The following NRG1 variants were observed in gnomAD, a reference collection of about 807,000 sequenced individuals.
NRG1 encodes neuregulin 1.
A neutral mutation model predicts 63.8 loss-of-function variants in NRG1; 18 were observed. The observed-to-expected ratio is 0.28, with a 90% CI of 0.19 to 0.42. The LOEUF is 0.42. Ranked by LOEUF, NRG1 falls within the 10% of genes least tolerant of loss-of-function variation. The pLI is 1.00. For synonymous variants in NRG1, 302 were observed against 301.3 expected (o/e 1.00, Z -0.02); for missense variants, 762 against 814.7 (o/e 0.94, Z 0.79).
rs572321880 is a variant in NRG1, at chr8:32,112,206, G to A, written c.37+472775G>A. On this transcript the variant is annotated intron_variant, in intron 1 of 10. Coordinates refer to the NRG1 transcript ENST00000519301. Reference sequence around the variant, plus strand: ...CAGAATTTACAATAGTTGCATTAGGGCTTCCTTTGAATTAATTAATATTTC... The same window carrying A: ...CAGAATTTACAATAGTTGCATTAGGACTTCCTTTGAATTAATTAATATTTC... 2.6e-5 allele frequency among the ~76,000 whole-genome samples: 4 copies of A among 152,270 alleles called. No individual in the cohort carries two copies. The South Asian group carries it at 8.3e-4, about 32-fold the overall frequency.
chr8:32,456,465 G>C (rs530061019), intron 1 of NRG1, among the ~76,000 whole-genome samples: 192 of 152,324 alleles, frequency 1.3e-3, no homozygotes, highest in African/African-American at 4.4e-3. Flanking sequence ...CCACCCATGA[G>C]AGAGCAAGAC....
chr8:32,704,687 T>G (rs906631980), intron 5 of NRG1, among the ~76,000 whole-genome samples: 3 of 152,254 alleles, frequency 2.0e-5, no homozygotes, highest in Non-Finnish European at 2.9e-5. Context: ...TTTCATACTT[T>G]ATTGCCACTA....
Position 32,713,855 on chromosome 8 carries a change from C to T in NRG1, c.503-14094C>T, listed in dbSNP as rs184105940. Among the ~76,000 whole-genome samples the T allele has an allele frequency of 3.5e-3, 529 of 149,970 alleles. 4 individuals carry two copies. The highest frequency in any genetic ancestry group is 0.012 in the African/African-American group (494 of 40,836). On this transcript the variant is annotated intron_variant, in intron 5 of 11. Transcript: ENST00000356819. ...TTTCTTTTTTTTTGAGATGGAATCT[C>T]GCTCTGTCACCCTGGCTGGAGTGCA... is the stretch of plus-strand genomic sequence containing the variant.
At chr8:32,606,331 G>T (rs929944774) in intron 3 of NRG1, among the ~76,000 whole-genome samples, 4 of 151,468 alleles carry the variant, frequency 2.6e-5, no homozygotes, top group African/African-American at 4.8e-5. Context: ...TTTTTTTTAG[G>T]CCTATTAATT....
At chr8:31,812,404 A>G (rs1822977436) in intron 1 of NRG1, among the ~76,000 whole-genome samples, 1 of 152,174 alleles carries the variant, frequency 6.6e-6, no homozygotes, top group Non-Finnish European at 1.5e-5. Flanking sequence ...TCCTGGGACA[A>G]CATTTAGAGA....
At chr8:32,717,822 C>G (rs535087642) in intron 5 of NRG1, among the ~76,000 whole-genome samples, 1 of 152,252 alleles carries the variant, frequency 6.6e-6, no homozygotes, top group South Asian at 2.1e-4. Flanking sequence ...TTCAAAGAGG[C>G]CTGGCTCAAA....
intron 1 of NRG1, among the ~76,000 whole-genome samples, chr8:32,057,093 A>G (rs961586121): frequency 1.2e-4 from 19 of 152,184 alleles, no homozygotes; most frequent in Admixed American, 3.3e-4. Flanking sequence ...CTTCTTCACC[A>G]TAAAGATGGC....
intron 1 of NRG1, among the ~76,000 whole-genome samples, chr8:31,959,965 G>A (rs1805174722): frequency 6.6e-6 from 1 of 152,008 alleles, no homozygotes; most frequent in Non-Finnish European, 1.5e-5. Flanking sequence ...CAGATGGGCA[G>A]CTACCATTTT....
chr8:32,769,325 C>A (rs1453197489), downstream of NRG1, among the ~76,000 whole-genome samples: 1 of 152,134 alleles, frequency 6.6e-6, no homozygotes, highest in South Asian at 2.1e-4. Flanking sequence ...AGTGAAGACT[C>A]GCAGCCAGAT....
At chr8:32,182,136 G>GCACA in intron 1 of NRG1, among the ~76,000 whole-genome samples, 1 of 152,176 alleles carries the variant, frequency 6.6e-6, no homozygotes, top group East Asian at 1.9e-4. Flanking sequence ...GAGGAGCTGG[G>GCACA]CACAGCCTCT....
intron 1 of NRG1, among the ~76,000 whole-genome samples, chr8:31,937,013 C>G (rs1467432555): frequency 3.9e-5 from 6 of 152,208 alleles, no homozygotes; most frequent in Admixed American, 3.3e-4. Flanking sequence ...ACTTCTTACT[C>G]AGAGGTTGTG....
intron 1 of NRG1, among the ~76,000 whole-genome samples, chr8:32,076,651 T>A (rs1826605629): frequency 6.6e-6 from 1 of 151,932 alleles, no homozygotes; most frequent in Non-Finnish European, 1.5e-5. Flanking sequence ...TAAGATAGTC[T>A]TTACAACAAA....
intron 1 of NRG1, among the ~76,000 whole-genome samples, chr8:32,491,846 G>A (rs1826613551): frequency 6.6e-6 from 1 of 152,168 alleles, no homozygotes. Flanking sequence ...ATACACAGAG[G>A]CTGCCTTTGT....
At chr8:32,662,952 C>T (rs184581610) in intron 5 of NRG1, among the ~76,000 whole-genome samples, 5 of 152,210 alleles carry the variant, frequency 3.3e-5, no homozygotes, top group Admixed American at 1.3e-4. Context: ...TAAATCAATA[C>T]GGCTTTATGT....
At position 32,177,959 on chromosome 8, in the gene NRG1, A is replaced by G. The variant is rs559644207; in HGVS notation, c.38-417869A>G. 2.3e-3 allele frequency among the ~76,000 whole-genome samples: 343 copies of G among 152,214 alleles called. 3 individuals carry two copies. Among genetic ancestry groups the G allele is most frequent in the Non-Finnish European group, 3.9e-3 (264 of 68,010 alleles). ...ATAGAATGCTCTACCTGTGTTACTC[A>G]TTGAATCAGGAGGATTGTTGAAGGA... On this transcript the variant is annotated intron_variant, in intron 1 of 10. Coordinates refer to the NRG1 transcript ENST00000519301.
chr8:31,664,082 A>G (rs558002543), intron 1 of NRG1, among the ~76,000 whole-genome samples: 4 of 152,098 alleles, frequency 2.6e-5, no homozygotes, highest in South Asian at 2.1e-4. Context: ...CTGTTTTTCT[A>G]TGTTGTGTTC....
intron 1 of NRG1, among the ~76,000 whole-genome samples, chr8:32,183,239 G>A (rs1429829147): frequency 6.6e-6 from 1 of 152,124 alleles, no homozygotes; most frequent in African/African-American, 2.4e-5. Flanking sequence ...ACATTGAGAA[G>A]ACAGGGGATT....
intron 1 of NRG1, among the ~76,000 whole-genome samples, chr8:31,661,661 T>C (rs1414888222): frequency 6.6e-6 from 1 of 152,238 alleles, no homozygotes; most frequent in Non-Finnish European, 1.5e-5. Flanking sequence ...TTATAGCAAA[T>C]GACTTTACAC....
chr8:32,077,351 A>G (rs1442636607), intron 1 of NRG1, among the ~76,000 whole-genome samples: 3 of 152,110 alleles, frequency 2.0e-5, no homozygotes, highest in Non-Finnish European at 1.5e-5. Flanking sequence ...GGGCGACAAG[A>G]GCAAAACTTC....
Sources: gnomAD v4.1 joint callset for allele counts (sites outside exome capture counted in the v4.1 genomes callset) on GRCh38, gnomAD v4.1.1 for gene constraint, MANE v1.5 for transcripts, NCBI Gene and HGNC (gene_info 2026-07-23, HGNC 2026-07-21) for gene names.